VAT1L: variants seen among roughly 807,000 people sequenced by gnomAD.
The protein encoded by VAT1L is putative NADPH-dependent quinone oxidoreductase VAT1L.
A neutral mutation model predicts 44.1 loss-of-function variants in VAT1L; 34 were observed. That is an observed-to-expected ratio of 0.77 (90% CI 0.59 to 1.03). The LOEUF (loss-of-function observed/expected upper bound fraction) is 1.03. Ranked by LOEUF, VAT1L falls within the 50% of genes least tolerant of loss-of-function variation. The pLI is 0.00. For missense variants in VAT1L, 615 were observed against 538.8 expected (o/e 1.14, Z -1.40); for synonymous variants, 253 against 202.2 (o/e 1.25, Z -2.13).
At chr16:77,806,444 C>T (rs113724367) in intron 1 of VAT1L, among the ~76,000 whole-genome samples, 15,209 of 143,092 alleles carry the variant, frequency 0.11, 1,276 homozygotes, top group African/African-American at 0.18. Flanking sequence ...TTCCTGACCT[C>T]GTGATCTGCC....
chr16:77,933,982 G>A (rs545190885), intron 7 of VAT1L, among the ~76,000 whole-genome samples: 5 of 152,246 alleles, frequency 3.3e-5, no homozygotes, highest in African/African-American at 1.2e-4. Flanking sequence ...CGTGGTCTGT[G>A]TTCTTTTTCT....
At chr16:77,791,008 C>T (rs549146671) in intron 1 of VAT1L, among the ~76,000 whole-genome samples, 1 of 152,286 alleles carries the variant, frequency 6.6e-6, no homozygotes, top group African/African-American at 2.4e-5. Context: ...AACCAGGCTG[C>T]AGGTACATTT....
At chr16:77,820,355 C>T (rs1318040722) in intron 2 of VAT1L, among the ~76,000 whole-genome samples, 1 of 152,168 alleles carries the variant, frequency 6.6e-6, no homozygotes, top group African/African-American at 2.4e-5. Context: ...GCTAGATGAA[C>T]CAGTGCTGCT....
intron 3 of VAT1L, among the ~76,000 whole-genome samples, chr16:77,852,466 C>T (rs553088430): frequency 3.9e-5 from 6 of 152,294 alleles, no homozygotes; most frequent in East Asian, 1.9e-4. Context: ...GATCACTTCA[C>T]GAACATGTCC....
chr16:77,804,718 T>C (rs768983668), intron 1 of VAT1L, among the ~76,000 whole-genome samples: 5 of 152,162 alleles, frequency 3.3e-5, no homozygotes, highest in Non-Finnish European at 5.9e-5. Flanking sequence ...TCTCTCCTCA[T>C]GAGTTGGCAT....
At chr16:77,921,182 G>A (rs915835624) in intron 7 of VAT1L, among the ~76,000 whole-genome samples, 3 of 152,126 alleles carry the variant, frequency 2.0e-5, no homozygotes, top group Non-Finnish European at 2.9e-5. Context: ...TAGCATCATG[G>A]GGCTGGGCAA....
intron 7 of VAT1L, among the ~76,000 whole-genome samples, chr16:77,954,529 G>T (rs984346990): frequency 1.3e-5 from 2 of 152,172 alleles, no homozygotes; most frequent in African/African-American, 4.8e-5. Flanking sequence ...AGAGGCTGAG[G>T]CAGGAGAATC....
chr16:77,891,559 C>T (rs1201396853), intron 7 of VAT1L, among the ~76,000 whole-genome samples: 6 of 152,188 alleles, frequency 3.9e-5, no homozygotes, highest in Non-Finnish European at 8.8e-5. Context: ...TGTCCAAATG[C>T]AGTCATTTAT....
At chr16:77,886,135 G>A (rs1016851305) in intron 7 of VAT1L, among the ~76,000 whole-genome samples, 2 of 152,178 alleles carry the variant, frequency 1.3e-5, no homozygotes, top group African/African-American at 2.4e-5. Context: ...TATTGCAGAT[G>A]CTCACCGTGA....
At chr16:77,957,627 A>G (rs1263926854) in intron 7 of VAT1L, among the ~76,000 whole-genome samples, 1 of 151,938 alleles carries the variant, frequency 6.6e-6, no homozygotes, top group Admixed American at 6.6e-5. Flanking sequence ...CGGGAGGCTG[A>G]GGCAGGAGAA....
chr16:77,881,693 A>G (rs2017157394), intron 6 of VAT1L, among the ~76,000 whole-genome samples: 2 of 152,212 alleles, frequency 1.3e-5, no homozygotes, highest in South Asian at 4.1e-4. Context: ...TGGGCTTTAA[A>G]ATATGGGTCA....
chr16:77,882,486 G>C (rs534486174), intron 6 of VAT1L: 1 of 152,210 alleles, frequency 6.6e-6, no homozygotes, highest in Non-Finnish European at 1.5e-5. Flanking sequence ...CACCTCATGC[G>C]TGGCAGACAC....
At chr16:77,839,483 C>T (rs1323244559) in intron 3 of VAT1L, among the ~76,000 whole-genome samples, 5 of 131,086 alleles carry the variant, frequency 3.8e-5, no homozygotes, top group African/African-American at 1.2e-4. Flanking sequence ...TTGCAGTGAG[C>T]CGAAATCGCG....
At chr16:77,867,885 C>G (rs1258984021) in intron 4 of VAT1L, among the ~76,000 whole-genome samples, 1 of 150,582 alleles carries the variant, frequency 6.6e-6, no homozygotes, top group African/African-American at 2.4e-5. Context: ...AGAAAGAAAA[C>G]CCACAAAACA....
chr16:77,822,676 G>A (rs1490324568), intron 2 of VAT1L, among the ~76,000 whole-genome samples: 1 of 152,182 alleles, frequency 6.6e-6, no homozygotes, highest in Non-Finnish European at 1.5e-5. Flanking sequence ...GCTACCCAAG[G>A]ATAAGGAAAG....
At chr16:77,957,676 G>A (rs571143073) in intron 7 of VAT1L, among the ~76,000 whole-genome samples, 82 of 151,744 alleles carry the variant, frequency 5.4e-4, no homozygotes, top group Non-Finnish European at 9.4e-4. Flanking sequence ...AGTGAGCTGA[G>A]ATCGGGCCAC....
chr16:77,790,557 C>T (rs1221859793), intron 1 of VAT1L, among the ~76,000 whole-genome samples: 4 of 152,250 alleles, frequency 2.6e-5, no homozygotes, highest in East Asian at 3.9e-4. Flanking sequence ...ACAATTAAAA[C>T]CATGCATTTA....
chr16:77,920,088 T>A (rs1034151771), intron 7 of VAT1L, among the ~76,000 whole-genome samples: 2 of 151,750 alleles, frequency 1.3e-5, no homozygotes, highest in South Asian at 2.1e-4. Context: ...CAAAAAAAAA[T>A]AAATAAATAA....
At chr16:77,860,634 A>G (rs528182516) in intron 3 of VAT1L, among the ~76,000 whole-genome samples, 1 of 152,360 alleles carries the variant, frequency 6.6e-6, no homozygotes, top group South Asian at 2.1e-4. Flanking sequence ...AGCTATAACT[A>G]TGACATATCT....
Sources: gnomAD v4.1 joint callset for allele counts (sites outside exome capture counted in the v4.1 genomes callset) on GRCh38, gnomAD v4.1.1 for gene constraint, MANE v1.5 for transcripts, NCBI Gene and HGNC (gene_info 2026-07-23, HGNC 2026-07-21) for gene names.